The following TMEM123 variants were observed in gnomAD, a reference collection of about 807,000 sequenced individuals.
TMEM123 encodes transmembrane protein 123, also known as porimin.
In TMEM123, 16 loss-of-function variants were observed where a neutral mutation model predicts 19.7. That is an observed-to-expected ratio of 0.81 (90% CI 0.55 to 1.23). TMEM123 has a LOEUF of 1.23. TMEM123 is among the 50% of genes most tolerant of loss of function. The pLI is 0.00. For missense variants in TMEM123, 313 were observed against 257.8 expected, an observed-to-expected ratio of 1.21 and a Z score of -1.47; for synonymous variants, 118 against 99.4, an observed-to-expected ratio of 1.19 and a Z score of -1.12.
chr11:102,448,131 G>A, intron 2 of TMEM123: 1 of 423,242 alleles, frequency 2.4e-6, no homozygotes. Context: ...AACAAAACAA[G>A]TTAGTGATAG....
At chr11:102,406,657 C>T (rs931316828) in intron 2 of TMEM123, among the ~76,000 whole-genome samples, 3 of 151,920 alleles carry the variant, frequency 2.0e-5, no homozygotes, top group East Asian at 1.9e-4. Flanking sequence ...GGGTAGATCA[C>T]GAGGTCAGGA....
intron 2 of TMEM123, among the ~76,000 whole-genome samples, chr11:102,425,293 A>G (rs17350205): frequency 0.045 from 6,852 of 152,342 alleles, 212 homozygotes; most frequent in Non-Finnish European, 0.073. Flanking sequence ...TTGAACAACA[A>G]CGCTTGGCAA....
chr11:102,429,726 C>T (rs1188107665), intron 2 of TMEM123, among the ~76,000 whole-genome samples: 1 of 152,190 alleles, frequency 6.6e-6, no homozygotes, highest in Non-Finnish European at 1.5e-5. Context: ...GTACTGTAAA[C>T]TATTATAGGC....
intron 2 of TMEM123, among the ~76,000 whole-genome samples, chr11:102,444,585 T>C (rs1190995395): frequency 6.6e-6 from 1 of 151,706 alleles, no homozygotes; most frequent in Admixed American, 6.6e-5. Context: ...ACACATCTAA[T>C]GTAAATGACG....
At position 102,396,659 on chromosome 11, in the gene TMEM123, TA is replaced by T. The variant is rs944737130; in HGVS notation, c.*2207del. The T allele has an allele frequency of 1.3e-5, 2 of 152,118 alleles. No homozygotes were observed. The highest frequency in any genetic ancestry group is 4.8e-5 in the African/African-American group (2 of 41,426). The allele number at this position is 152,118 out of a possible 1,614,324, so 9.4% of individuals were successfully genotyped here. A position where few individuals can be genotyped will look rare whatever the true frequency, so the allele number is the denominator to read the frequency against. On this transcript the variant is annotated 3_prime_UTR_variant, in exon 5 of 5. Coordinates refer to ENST00000398136, the MANE Select transcript of TMEM123 (RefSeq NM_052932.3). ...TTAAGAAATATGGTCCAAAGCAAAA[TA>T]TTTTTTTGCATAACCATTTCCCTCA...
At chr11:102,418,169 A>T (rs566908403) in intron 2 of TMEM123, among the ~76,000 whole-genome samples, 1 of 152,300 alleles carries the variant, frequency 6.6e-6, no homozygotes, top group East Asian at 1.9e-4. Context: ...GGCAACTGCA[A>T]CAAAAGCTAA....
rs1951914242 is a variant in TMEM123, at chr11:102,401,658, T to C, written c.483A>G (p.Gly161=). 1.9e-6 allele frequency: 3 copies of C among 1,606,530 alleles called. No individual in the cohort carries two copies. In the East Asian group the frequency reaches 6.7e-5, roughly 36 times the overall value. The change falls in exon 4 of 5, where the codon GGA becomes GGG. Residue 161 remains glycine (G), a synonymous_variant. Transcript: ENST00000398136. ...CAAAGCTCCCAGTATCAAATTTTGA[T>C]CCTTTCTTTGCTTCAGAATGCATAG... ...TTTMHSEAKK[G]SKFDTGSFVG...
At chr11:102,412,363 G>A (rs1952012694) in intron 2 of TMEM123, among the ~76,000 whole-genome samples, 2 of 152,180 alleles carry the variant, frequency 1.3e-5, no homozygotes, top group South Asian at 4.1e-4. Context: ...AGGAGGCGGA[G>A]GTTGCAGTGA....
intron 2 of TMEM123, among the ~76,000 whole-genome samples, chr11:102,420,390 T>C (rs1952076452): frequency 6.6e-6 from 1 of 152,244 alleles, no homozygotes; most frequent in South Asian, 2.1e-4. Flanking sequence ...CTGTGTGCTC[T>C]ATAGGTATCT....
chr11:102,427,866 T>C (rs925928235), intron 2 of TMEM123, among the ~76,000 whole-genome samples: 2 of 151,362 alleles, frequency 1.3e-5, no homozygotes, highest in African/African-American at 4.9e-5. Context: ...TCTACAGAAA[T>C]AGAATGAAAA....
In TMEM123 at chr11:102,452,609, C is replaced by A. The variant is rs757620635; in HGVS notation, c.15G>T (p.Ala5=). The A allele has an allele frequency of 3.0e-5, 46 of 1,556,238 alleles. No individual in the cohort carries two copies. Among genetic ancestry groups the A allele is most frequent in the Non-Finnish European group, 3.8e-5 (44 of 1,154,272 alleles). ...GGAGCAGCGCGGCCCAAGCACCTCGCGCGCCGAGTCCCATTGTTCCGAGGG... is the reference window on the plus strand; with the variant it reads ...GGAGCAGCGCGGCCCAAGCACCTCGAGCGCCGAGTCCCATTGTTCCGAGGG... MGLG[A]RGAWAALLLG... is the part of the protein sequence containing the mutation. The change falls in exon 1 of 5, where the codon GCG becomes GCT. Residue 5 remains alanine, a synonymous_variant. Coordinates refer to ENST00000398136, the MANE Select transcript of TMEM123 (RefSeq NM_052932.3).
intron 1 of TMEM123, among the ~76,000 whole-genome samples, chr11:102,450,490 A>G (rs1398852319): frequency 1.3e-5 from 2 of 152,192 alleles, no homozygotes; most frequent in Non-Finnish European, 2.9e-5. Flanking sequence ...CTCCTCCTTC[A>G]ACTGATATTT....
At chr11:102,407,618 A>G (rs1951967275) in intron 2 of TMEM123, among the ~76,000 whole-genome samples, 1 of 152,208 alleles carries the variant, frequency 6.6e-6, no homozygotes, top group Admixed American at 6.5e-5. Flanking sequence ...ATTAAAAGTG[A>G]AAAGTTGGAG....
chr11:102,448,223 A>T (rs1162060153), intron 2 of TMEM123: 1 of 456,074 alleles, frequency 2.2e-6, no homozygotes, highest in Non-Finnish European at 4.4e-6. Context: ...AAAATTGTTT[A>T]CAAGAAACGT....
At chr11:102,407,628 GACAGACAC>G (rs907067501) in intron 2 of TMEM123, among the ~76,000 whole-genome samples, 51 of 152,312 alleles carry the variant, frequency 3.3e-4, no homozygotes, top group Admixed American at 2.0e-3. Context: ...AAAAGTTGGA[GACAGACAC>G]ACAAACACAC....
Position 102,397,164 on chromosome 11 carries a change from A to G in TMEM123, c.*1703T>C, listed in dbSNP as rs1220209463. ...TCCATGTATGTGTTACATACATCCA[A>G]TCATATCCATATTTTGGATCATTTT... On this transcript the variant is annotated 3_prime_UTR_variant, in exon 5 of 5. Coordinates refer to ENST00000398136, the MANE Select transcript of TMEM123 (RefSeq NM_052932.3). 1.3e-5 allele frequency: 2 copies of G among 152,168 alleles called. No homozygotes were observed. The highest frequency in any genetic ancestry group is 2.4e-5 in the African/African-American group (1 of 41,434). The allele number at this position is 152,168 out of a possible 1,614,324, so 9.4% of individuals were successfully genotyped here.
chr11:102,444,767 C>T (rs1236280855), intron 2 of TMEM123, among the ~76,000 whole-genome samples: 1 of 151,990 alleles, frequency 6.6e-6, no homozygotes, highest in African/African-American at 2.4e-5. Context: ...TTGGAACCAA[C>T]CCAAATGTCC....
intron 2 of TMEM123, among the ~76,000 whole-genome samples, chr11:102,432,539 G>A (rs1370449152): frequency 6.6e-6 from 1 of 152,326 alleles, no homozygotes; most frequent in South Asian, 2.1e-4. Flanking sequence ...AGGTAGCAGA[G>A]CGTAAGAGTT....
At chr11:102,449,123 A>C (rs1857912992) in intron 1 of TMEM123, 1 of 353,392 alleles carries the variant, frequency 2.8e-6, no homozygotes, top group East Asian at 5.6e-5. Flanking sequence ...ACTATATACC[A>C]GCCACCGAAT....
Sources: gnomAD v4.1 joint callset for allele counts (sites outside exome capture counted in the v4.1 genomes callset) on GRCh38, gnomAD v4.1.1 for gene constraint, MANE v1.5 for transcripts, NCBI Gene and HGNC (gene_info 2026-07-23, HGNC 2026-07-21) for gene names.